Variants in ANKS1B observed in about 807,000 individuals in gnomAD.
The protein encoded by ANKS1B is ankyrin repeat and sterile alpha motif domain-containing protein 1B.
A neutral mutation model predicts 148.3 loss-of-function variants in ANKS1B; 36 were observed. The ratio of observed to expected loss-of-function variants is 0.24; its 90% CI spans 0.19 to 0.32. ANKS1B has a LOEUF of 0.32. Among genes scored for constraint, ANKS1B ranks in the 10% least tolerant of loss-of-function variants. The pLI is 1.00. For synonymous variants in ANKS1B, 542 were observed against 560.8 expected (o/e 0.97, Z 0.47); for missense variants, 1,157 against 1,542.6 (o/e 0.75, Z 4.19).
chr12:98,940,311 C>A (rs1423714240), intron 17 of ANKS1B, among the ~76,000 whole-genome samples: 2 of 152,176 alleles, frequency 1.3e-5, no homozygotes, highest in Non-Finnish European at 2.9e-5. Flanking sequence ...GACCTTGGGT[C>A]ACAGGCACAC....
chr12:99,399,417 A>G (rs995945827), intron 12 of ANKS1B, among the ~76,000 whole-genome samples: 3 of 152,106 alleles, frequency 2.0e-5, no homozygotes, highest in African/African-American at 7.2e-5. Flanking sequence ...ACATTAAATC[A>G]TCATCTTTAA....
chr12:99,404,777 T>A (rs2094493737), intron 11 of ANKS1B, among the ~76,000 whole-genome samples: 1 of 144,808 alleles, frequency 6.9e-6, no homozygotes, highest in South Asian at 2.1e-4. Context: ...TAAAGAAAGA[T>A]CTCAATATTC....
At chr12:99,803,763 C>T (rs1401224390) in intron 4 of ANKS1B, among the ~76,000 whole-genome samples, 1 of 152,176 alleles carries the variant, frequency 6.6e-6, no homozygotes, top group Admixed American at 6.5e-5. Flanking sequence ...CTAAAGGCCA[C>T]CTAAAATTCA....
chr12:99,648,346 G>A, intron 9 of ANKS1B: 1 of 1,614,214 alleles, frequency 6.2e-7, no homozygotes, highest in Non-Finnish European at 8.5e-7. Context: ...CAAAAGAGGA[G>A]AAGTGATTGA....
At chr12:99,865,396 C>T (rs150374685) in intron 1 of ANKS1B, among the ~76,000 whole-genome samples, 12 of 152,152 alleles carry the variant, frequency 7.9e-5, no homozygotes, top group African/African-American at 1.2e-4. Context: ...GTGAAATAAC[C>T]TCAGGGGTCG....
chr12:99,569,008 C>T (rs1449109199), intron 9 of ANKS1B, among the ~76,000 whole-genome samples: 1 of 152,178 alleles, frequency 6.6e-6, no homozygotes, highest in East Asian at 1.9e-4. Context: ...TCATCACAGA[C>T]ACGGTGATAT....
intron 12 of ANKS1B, among the ~76,000 whole-genome samples, chr12:99,254,641 G>T (rs1437603524): frequency 2.0e-5 from 3 of 152,142 alleles, no homozygotes; most frequent in Admixed American, 6.5e-5. Context: ...TAAAAATAAT[G>T]TTTGCTCTAA....
At chr12:99,623,015 C>G (rs934246885) in intron 9 of ANKS1B, among the ~76,000 whole-genome samples, 4 of 152,016 alleles carry the variant, frequency 2.6e-5, no homozygotes, top group African/African-American at 9.7e-5. Context: ...AAAATACTAG[C>G]AAACTGAATT....
chr12:99,215,281 T>G (rs2083986229), intron 14 of ANKS1B, among the ~76,000 whole-genome samples: 1 of 152,128 alleles, frequency 6.6e-6, no homozygotes, highest in African/African-American at 2.4e-5. Flanking sequence ...CAGGCAGAGG[T>G]GTGCTGCCGG....
Position 99,655,060 on chromosome 12 carries a change from C to A in ANKS1B, c.1272+7G>T. On this transcript the variant is annotated splice_region_variant and intron_variant, in intron 9 of 26. Transcript: ENST00000683438. ...TTTATTGTACCTTAATAAAAGCAAA[C>A]TTTTACCTGGGCAAGCATGGGGAAG... 1 of 1,561,176 alleles carries A rather than the reference C, an allele frequency of 6.4e-7. No homozygotes were observed. The highest frequency in any genetic ancestry group is 8.7e-7 in the Non-Finnish European group (1 of 1,149,986).
chr12:99,824,294 G>A (rs1490974177), intron 2 of ANKS1B, among the ~76,000 whole-genome samples: 1 of 152,122 alleles, frequency 6.6e-6, no homozygotes, highest in Non-Finnish European at 1.5e-5. Flanking sequence ...GAGGTCAGGA[G>A]TTGAAGACCA....
In ANKS1B at chr12:98,744,474, T is replaced by C; in HGVS notation, c.*1265A>G. The C allele has an allele frequency of 1.5e-6, 1 of 684,550 alleles. No homozygotes were observed. The highest frequency in any genetic ancestry group is 1.8e-6 in the Non-Finnish European group (1 of 555,380). 42.4% of individuals were successfully genotyped at this position (684,550 alleles called of 1,614,324 possible). A position where few individuals can be genotyped will look rare whatever the true frequency, so the allele number is the denominator to read the frequency against. ...TGTTAGAACAATATACATTAAAATG[T>C]TATTTTTTTCTATAATGATATTGGT... On this transcript the variant is annotated 3_prime_UTR_variant, in exon 27 of 27. Coordinates refer to ENST00000683438, the MANE Select transcript of ANKS1B (RefSeq NM_001352186.2).
intron 8 of ANKS1B, among the ~76,000 whole-genome samples, chr12:99,714,935 A>G (rs1270888811): frequency 6.6e-6 from 1 of 151,276 alleles, no homozygotes; most frequent in Non-Finnish European, 1.5e-5. Context: ...CCTGGCCAAC[A>G]TAGTGAAATC....
intron 1 of ANKS1B, among the ~76,000 whole-genome samples, chr12:99,895,510 AG>A: frequency 6.6e-6 from 1 of 151,032 alleles, no homozygotes; most frequent in Non-Finnish European, 1.5e-5. Context: ...CATTTAAAAA[AG>A]GAAAGTCAAA....
chr12:99,421,505 C>T (rs529988372), intron 11 of ANKS1B, among the ~76,000 whole-genome samples: 2 of 152,000 alleles, frequency 1.3e-5, no homozygotes, highest in Admixed American at 6.5e-5. Context: ...AGTGAGGGCT[C>T]ATGGCAATGA....
intron 8 of ANKS1B, among the ~76,000 whole-genome samples, chr12:99,675,894 T>C (rs2153475547): frequency 6.6e-6 from 1 of 152,260 alleles, no homozygotes; most frequent in Non-Finnish European, 1.5e-5. Flanking sequence ...AATTAAGAAA[T>C]AAAATGCACA....
intron 10 of ANKS1B, among the ~76,000 whole-genome samples, chr12:99,483,644 T>C (rs1268466300): frequency 6.6e-6 from 1 of 151,990 alleles, no homozygotes; most frequent in South Asian, 2.1e-4. Flanking sequence ...TTTTTTGTTG[T>C]TGGCAATTTT....
intron 1 of ANKS1B, among the ~76,000 whole-genome samples, chr12:99,870,066 C>T (rs1253211773): frequency 6.6e-6 from 1 of 152,084 alleles, no homozygotes; most frequent in African/African-American, 2.4e-5. Context: ...GCATAGTATT[C>T]GATAGTTTTT....
At chr12:99,332,605 G>A (rs1413481271) in intron 12 of ANKS1B, among the ~76,000 whole-genome samples, 1 of 150,646 alleles carries the variant, frequency 6.6e-6, no homozygotes, top group Non-Finnish European at 1.5e-5. Context: ...GATTACAGGA[G>A]AACAAGTATT....
Sources: allele counts gnomAD v4.1 joint callset (sites outside exome capture counted in the v4.1 genomes callset), GRCh38; gene constraint gnomAD v4.1.1; transcripts MANE v1.5; gene names NCBI Gene and HGNC (gene_info 2026-07-23, HGNC 2026-07-21).